DENND5B: variants seen among roughly 807,000 people sequenced by gnomAD.
The protein encoded by DENND5B is DENN domain containing 5B, also known as DENN domain-containing protein 5B.
DENND5B carries 34 observed loss-of-function variants against 140.6 expected under a neutral mutation model. The ratio of observed to expected loss-of-function variants is 0.24; its 90% CI spans 0.18 to 0.32. DENND5B has a LOEUF of 0.32. Ranked by LOEUF, DENND5B falls within the 10% of genes least tolerant of loss-of-function variation. The pLI is 1.00. For synonymous variants in DENND5B, 551 were observed against 562.1 expected (o/e 0.98, Z 0.28); for missense variants, 1,142 against 1,560.2 (o/e 0.73, Z 4.52).
At chr12:31,546,857 G>A (rs79887528) in intron 1 of DENND5B, among the ~76,000 whole-genome samples, 1,729 of 152,106 alleles carry the variant, frequency 0.011, 19 homozygotes, top group East Asian at 0.031. Context: ...TGATACATTC[G>A]ACAACCGCAA....
chr12:31,494,206 A>ACCCG, intron 2 of DENND5B, among the ~76,000 whole-genome samples: 1 of 61,984 alleles, frequency 1.6e-5, no homozygotes, highest in East Asian at 5.0e-4. Flanking sequence ...CCATCCACCT[A>ACCCG]CCTACCTACC....
chr12:31,498,771 G>A (rs190124062), intron 1 of DENND5B, among the ~76,000 whole-genome samples: 79 of 152,052 alleles, frequency 5.2e-4, no homozygotes, highest in African/African-American at 1.8e-3. Context: ...TCAGGAGTTC[G>A]AGACCAGCCT....
At chr12:31,533,820 A>T (rs1333593411) in intron 1 of DENND5B, among the ~76,000 whole-genome samples, 1 of 152,102 alleles carries the variant, frequency 6.6e-6, no homozygotes, top group Non-Finnish European at 1.5e-5. Flanking sequence ...CATGGATGAA[A>T]CACCTAGCTA....
At chr12:31,581,506 T>C (rs1950206958) in intron 1 of DENND5B, among the ~76,000 whole-genome samples, 1 of 151,830 alleles carries the variant, frequency 6.6e-6, no homozygotes, top group Non-Finnish European at 1.5e-5. Flanking sequence ...CTGACCAACA[T>C]GGTGAAACTC....
intron 3 of DENND5B, among the ~76,000 whole-genome samples, chr12:31,466,642 G>C (rs1945280631): frequency 6.6e-6 from 1 of 152,050 alleles, no homozygotes; most frequent in Non-Finnish European, 1.5e-5. Context: ...ACAGTGAGCA[G>C]AGTTTGCACC....
intron 8 of DENND5B, among the ~76,000 whole-genome samples, chr12:31,429,114 C>T (rs528782519): frequency 4.0e-5 from 6 of 151,340 alleles, no homozygotes; most frequent in South Asian, 2.1e-4. Flanking sequence ...CCCTGTGATC[C>T]GCCCACCTCG....
At chr12:31,516,177 C>G (rs1398694023) in intron 1 of DENND5B, among the ~76,000 whole-genome samples, 1 of 151,946 alleles carries the variant, frequency 6.6e-6, no homozygotes, top group Non-Finnish European at 1.5e-5. Context: ...TAGTATATCT[C>G]GCACCTAAAC....
At position 31,444,064 on chromosome 12, in the gene DENND5B, T is replaced by C. The variant is rs1260388234; in HGVS notation, c.1862-1139A>G. The C allele has an allele frequency of 2.6e-5, 4 of 152,152 alleles. No homozygotes were observed. The East Asian group carries it at 5.8e-4, about 22-fold the overall frequency. 9.4% of individuals were successfully genotyped at this position (152,152 alleles called of 1,614,324 possible). On this transcript the variant is annotated intron_variant, in intron 6 of 20. Transcript: ENST00000389082. The stretch of plus-strand genomic sequence containing the variant: ...ATCTTAAACATTTTAATCAACTGAA[T>C]TGTCAAGAGAAAATATATTTTAGAA...
intron 1 of DENND5B, among the ~76,000 whole-genome samples, chr12:31,508,414 A>G (rs893894945): frequency 3.9e-4 from 60 of 152,208 alleles, no homozygotes; most frequent in African/African-American, 1.4e-3. Context: ...ATAAATTACA[A>G]GGTAGAGAAG....
rs1296855452 is a variant in DENND5B, at chr12:31,439,974, AAACT to A, written c.2012+2797_2012+2800del. ...AAAAAAAAAGGAAACAAAAACTGTTAAACTAATAGTCTATCCAGATCAAAGTGAT... is the reference window on the plus strand; with the variant it reads ...AAAAAAAAAGGAAACAAAAACTGTTAAATAGTCTATCCAGATCAAAGTGAT... On this transcript the variant is annotated intron_variant, in intron 7 of 20. Transcript: ENST00000389082. 2.7e-5 allele frequency among the ~76,000 whole-genome samples: 4 copies of A among 148,498 alleles called. No homozygotes were observed. In the Admixed American group the frequency reaches 2.7e-4, roughly 10 times the overall value.
Position 31,479,574 on chromosome 12 carries a change from C to T in DENND5B, c.904+15G>A, listed in dbSNP as rs768500440. On this transcript the variant is annotated intron_variant, in intron 3 of 20. Transcript: ENST00000389082. ...TACTTGTTTTTGGAAAATGTAAAAT[C>T]CAAGGAAAACCTACCTTGTGAGTAG... The T allele has an allele frequency of 5.5e-6, 8 of 1,465,422 alleles. No individual in the cohort carries two copies. The African/African-American group carries it at 9.9e-5, about 18-fold the overall frequency. The allele number at this position is 1,465,422 out of a possible 1,614,324, so 90.8% of individuals were successfully genotyped here. A position where few individuals can be genotyped will look rare whatever the true frequency, so the allele number is the denominator to read the frequency against.
rs1942573236 is a variant in DENND5B, at chr12:31,413,501, C to T, written c.2616G>A (p.Leu872=). Residue 872 remains leucine, a synonymous_variant, in exon 13 of 21, where the codon CTG becomes CTA. Transcript: ENST00000389082. ...DVGRARAWIR[L]SLEKKLLSQH... ...GGGACAAGAGCTTCTTTTCTAGAGACAGTCTTATCCACGCCCGAGCTCGTC... is the reference window on the plus strand; with the variant it reads ...GGGACAAGAGCTTCTTTTCTAGAGATAGTCTTATCCACGCCCGAGCTCGTC... 1 of 1,613,762 alleles carries T rather than the reference C, an allele frequency of 6.2e-7. No homozygotes were observed. The highest frequency in any genetic ancestry group is 1.7e-5 in the Admixed American group (1 of 59,976).
Position 31,411,454 on chromosome 12 carries a change from C to T in DENND5B, c.2681+1982G>A, listed in dbSNP as rs542819042. ...CCGCCTCCTGGGTTCAAGTGATTCTCCTGCCTCTGCCTCCCAAGTAGCTGG... is the reference window on the plus strand; with the variant it reads ...CCGCCTCCTGGGTTCAAGTGATTCTTCTGCCTCTGCCTCCCAAGTAGCTGG... On this transcript the variant is annotated intron_variant, in intron 13 of 20. Transcript: ENST00000389082. Among the ~76,000 whole-genome samples, 174 of 150,864 alleles carry T rather than the reference C, an allele frequency of 1.2e-3. 2 individuals carry two copies. The highest frequency in any genetic ancestry group is 4.2e-3 in the African/African-American group (172 of 41,068).
intron 11 of DENND5B, among the ~76,000 whole-genome samples, chr12:31,415,756 T>C (rs922235501): frequency 6.6e-6 from 1 of 152,164 alleles, no homozygotes; most frequent in Middle Eastern, 3.2e-3. Flanking sequence ...ATGGCTCATT[T>C]TTAAAATTTT....
At chr12:31,567,812 T>C (rs1184823982) in intron 1 of DENND5B, among the ~76,000 whole-genome samples, 1 of 152,190 alleles carries the variant, frequency 6.6e-6, no homozygotes, top group African/African-American at 2.4e-5. Context: ...ATTCCACCTC[T>C]TTAAAAAACA....
chr12:31,489,645 T>C (rs1946447351), intron 2 of DENND5B, among the ~76,000 whole-genome samples: 1 of 152,196 alleles, frequency 6.6e-6, no homozygotes, highest in African/African-American at 2.4e-5. Flanking sequence ...TAACAATGAA[T>C]AAGAGACACT....
rs1359908740 is a variant in DENND5B, at chr12:31,493,291, T to C, written c.237+2519A>G. On this transcript the variant is annotated intron_variant, in intron 2 of 20. Coordinates refer to ENST00000389082, the MANE Select transcript of DENND5B (RefSeq NM_144973.4). ...TTCTCACTGGGTACATGTAAACATG[T>C]ATGTGAAAATAACATACATAAAGTA... Among the ~76,000 whole-genome samples, 5 of 152,370 alleles carry C rather than the reference T, an allele frequency of 3.3e-5. No homozygotes were observed. The South Asian group carries it at 8.3e-4, about 25-fold the overall frequency.
At chr12:31,575,890 C>T (rs145617588) in intron 1 of DENND5B, among the ~76,000 whole-genome samples, 58 of 152,102 alleles carry the variant, frequency 3.8e-4, no homozygotes, top group East Asian at 1.4e-3. Flanking sequence ...TACTTGAACA[C>T]GGGAGGCGGA....
chr12:31,557,814 CAAAAA>C lies in DENND5B; in HGVS notation c.127+32887_127+32891del, dbSNP rs71445804. Among the ~76,000 whole-genome samples, 16 of 80,966 alleles carry C rather than the reference CAAAAA, an allele frequency of 2.0e-4. No homozygotes were observed. The South Asian group carries it at 5.2e-3, about 26-fold the overall frequency. The allele number at this position is 80,966 out of a possible 152,430, so 53.1% of individuals were successfully genotyped here. ...CAGAGAAACTGGGGAGCTGTGGTGG[CAAAAA>C]AAAAAAAAAAAAAAAAAAGACACAG... On this transcript the variant is annotated intron_variant, in intron 1 of 20. Coordinates refer to ENST00000389082, the MANE Select transcript of DENND5B (RefSeq NM_144973.4).
Sources: allele counts gnomAD v4.1 joint callset (sites outside exome capture counted in the v4.1 genomes callset), GRCh38; gene constraint gnomAD v4.1.1; transcripts MANE v1.5; gene names NCBI Gene and HGNC (gene_info 2026-07-23, HGNC 2026-07-21).